The following RPGRIP1 variants were observed in gnomAD, a reference collection of about 807,000 sequenced individuals.
The protein encoded by RPGRIP1 is RPGR interacting protein 1.
A neutral mutation model predicts 157.9 loss-of-function variants in RPGRIP1; 128 were observed. That is an observed-to-expected ratio of 0.81 (90% CI 0.70 to 0.94). The LOEUF (loss-of-function observed/expected upper bound fraction) is 0.94. Among genes scored for constraint, RPGRIP1 ranks in the 40% least tolerant of loss-of-function variants. The pLI is 0.00. For missense variants in RPGRIP1, 1,486 were observed against 1,545.8 expected, an observed-to-expected ratio of 0.96 and a Z score of 0.65; for synonymous variants, 554 against 571.6, an observed-to-expected ratio of 0.97 and a Z score of 0.44.
intron 7 of RPGRIP1, 23 bp downstream of exon 7, chr14:21,307,859 G>C (rs1312920276): frequency 1.5e-6 from 2 of 1,360,446 alleles, no homozygotes; most frequent in Non-Finnish European, 2.0e-6. Context: ...CATCAGCTGT[G>C]CTTTCTTGGT....
intron 21 of RPGRIP1, among the ~76,000 whole-genome samples, chr14:21,341,725 AG>A (rs1450874190): frequency 6.6e-6 from 1 of 152,088 alleles, no homozygotes; most frequent in Non-Finnish European, 1.5e-5. Context: ...AAGAAAGGAC[AG>A]GGTGATGGCA....
At chr14:21,319,613 A>G (rs1211477578) in intron 11 of RPGRIP1, among the ~76,000 whole-genome samples, 1 of 152,120 alleles carries the variant, frequency 6.6e-6, no homozygotes, top group Admixed American at 6.6e-5. Flanking sequence ...TCCTCCATCC[A>G]GGCCAGGGTG....
chr14:21,294,975 C>T (rs982392566), intron 3 of RPGRIP1, among the ~76,000 whole-genome samples, 166 bp downstream of exon 3: 3 of 150,792 alleles, frequency 2.0e-5, no homozygotes, highest in African/African-American at 7.3e-5. Flanking sequence ...TCCCAAGTAG[C>T]TGGGATTATA....
At chr14:21,296,578 T>A (rs1880791461) in intron 3 of RPGRIP1, among the ~76,000 whole-genome samples, 1 of 151,828 alleles carries the variant, frequency 6.6e-6, no homozygotes, top group South Asian at 2.1e-4. Flanking sequence ...CTCAAACTCC[T>A]GACCTCAAAT....
intron 11 of RPGRIP1, among the ~76,000 whole-genome samples, 155 bp from the exon 12 acceptor site, chr14:21,319,862 T>TAG (rs1295109691): frequency 6.6e-6 from 1 of 152,174 alleles, no homozygotes; most frequent in Non-Finnish European, 1.5e-5. Context: ...GTCAATAAGC[T>TAG]AGAGTCCTCC....
intron 2 of RPGRIP1, among the ~76,000 whole-genome samples, chr14:21,289,569 C>T (rs2139134725): frequency 6.6e-6 from 1 of 152,274 alleles, no homozygotes; most frequent in South Asian, 2.1e-4. Flanking sequence ...TTTCACTTGA[C>T]TTCACTTCTA....
intron 15 of RPGRIP1, 46 bp from the exon 16 acceptor site, chr14:21,325,185 GC>G: frequency 6.4e-7 from 1 of 1,561,894 alleles, no homozygotes; most frequent in Non-Finnish European, 8.6e-7. Flanking sequence ...CTTGATCCTT[GC>G]CACACCATCT....
chr14:21,281,940 A>G (rs970113295), intron 1 of RPGRIP1, among the ~76,000 whole-genome samples: 5 of 151,368 alleles, frequency 3.3e-5, no homozygotes, highest in African/African-American at 1.2e-4. Flanking sequence ...TAAAAAATAC[A>G]AAAAATTAGC....
chr14:21,296,828 G>A (rs572333803), intron 3 of RPGRIP1, among the ~76,000 whole-genome samples: 125 of 151,658 alleles, frequency 8.2e-4, no homozygotes, highest in Middle Eastern at 3.4e-3. Context: ...GGTGGTGGGC[G>A]CCTGAAATCC....
intron 23 of RPGRIP1, among the ~76,000 whole-genome samples, chr14:21,346,146 A>AT (rs1278594605): frequency 6.6e-6 from 1 of 152,154 alleles, no homozygotes; most frequent in African/African-American, 2.4e-5. Context: ...AACTAAGTGA[A>AT]TTTTAGATCT....
intron 10 of RPGRIP1, among the ~76,000 whole-genome samples, chr14:21,315,649 C>T (rs964074484): frequency 1.3e-5 from 2 of 151,974 alleles, no homozygotes; most frequent in Non-Finnish European, 2.9e-5. Flanking sequence ...GGGGAGTATC[C>T]ACTTCGATAG....
intron 5 of RPGRIP1, chr14:21,302,865 GT>G (rs59447072): frequency 0.13 from 11,746 of 87,840 alleles, 142 homozygotes; most frequent in Middle Eastern, 0.24. Context: ...CCTTTGTTGT[GT>G]TTTTTTTTTT....
chr14:21,315,725 G>T (rs17792617), intron 10 of RPGRIP1, among the ~76,000 whole-genome samples: 2 of 151,326 alleles, frequency 1.3e-5, no homozygotes, highest in African/African-American at 4.9e-5. Flanking sequence ...CTATTTTCTT[G>T]AGTCCTTACA....
chr14:21,321,554 C>T, intron 13 of RPGRIP1, 152 bp downstream of exon 13: 3 of 1,406,638 alleles, frequency 2.1e-6, no homozygotes, highest in Non-Finnish European at 2.8e-6. Context: ...CTTTGAAGAA[C>T]TTGAGGACTC....
In RPGRIP1 at chr14:21,315,118, A is replaced by G. The variant is rs542871165; in HGVS notation, c.1152-2578A>G. 3.0e-4 allele frequency among the ~76,000 whole-genome samples: 46 copies of G among 152,244 alleles called. 1 individual carries two copies. In the East Asian group the frequency reaches 8.3e-3, roughly 27 times the overall value. Reference sequence around the variant, plus strand: ...AGGATTGTTTGAGCCTAGGAGGTCAAGGTTGCATTGAGCCATGTGCAGTGC... The same window carrying G: ...AGGATTGTTTGAGCCTAGGAGGTCAGGGTTGCATTGAGCCATGTGCAGTGC... On this transcript the variant is annotated intron_variant, in intron 10 of 24. Coordinates refer to ENST00000400017, the MANE Select transcript of RPGRIP1 (RefSeq NM_020366.4).
chr14:21,297,834 ATTCTTTCTTTCTTTCTTTCT>A (rs55920234), intron 3 of RPGRIP1, among the ~76,000 whole-genome samples: 3 of 133,216 alleles, frequency 2.3e-5, no homozygotes, highest in East Asian at 4.3e-4. Context: ...TCAATAAATT[ATTCTTTCTTTCTTTCTTTCT>A]TTCTTTCTTT....
At chr14:21,347,069 T>C (rs1044540567) in intron 23 of RPGRIP1, among the ~76,000 whole-genome samples, 3 of 152,246 alleles carry the variant, frequency 2.0e-5, no homozygotes, top group Admixed American at 2.0e-4. Context: ...TTTCACTTTT[T>C]TTTCCCCAGC....
At chr14:21,345,066 T>C in intron 22 of RPGRIP1, 47 bp from the exon 23 acceptor site, 1 of 1,257,654 alleles carries the variant, frequency 8.0e-7, no homozygotes, top group Non-Finnish European at 1.2e-6. Context: ...GGGCTCACAC[T>C]GCAACAGTAT....
chr14:21,285,975 C>G (rs1344225791), intron 1 of RPGRIP1, among the ~76,000 whole-genome samples: 1 of 151,750 alleles, frequency 6.6e-6, no homozygotes, highest in Non-Finnish European at 1.5e-5. Context: ...CGGAGACAGG[C>G]TAATATATGT....
Sources: gnomAD v4.1 joint callset for allele counts (sites outside exome capture counted in the v4.1 genomes callset) on GRCh38, gnomAD v4.1.1 for gene constraint, MANE v1.5 for transcripts, NCBI Gene and HGNC (gene_info 2026-07-23, HGNC 2026-07-21) for gene names.